EIF2S3B: variants seen among roughly 807,000 people sequenced by gnomAD.
EIF2S3B encodes eukaryotic translation initiation factor 2 subunit gamma B, also known as eukaryotic translation initiation factor 2 subunit 3B.
EIF2S3B carries 16 observed loss-of-function variants against 26.4 expected under a neutral mutation model. That is an observed-to-expected ratio of 0.61 (90% CI 0.41 to 0.92). The LOEUF is 0.92. Among genes scored for constraint, EIF2S3B ranks in the 40% least tolerant of loss-of-function variants. The pLI is 0.00. For missense variants in EIF2S3B, 510 were observed against 575.5 expected (o/e 0.89, Z 1.16); for synonymous variants, 183 against 204.4 (o/e 0.90, Z 0.89).
Position 10,506,887 on chromosome 12 carries a change from C to T in EIF2S3B, c.985C>T (p.Gln329Ter), listed in dbSNP as rs1470093956. ...ACTTTTTGCGGAGCATAATGATCTG[C>T]AATATGCTGCTCCAGGCGGTCTTAT... ...VSLFAEHNDL[Q>*]YAAPGGLIGV... The change falls in exon 1 of 1, where the codon CAA (glutamine) becomes TAA (stop). Residue 329 changes from glutamine (Q) to a stop codon, truncating the protein, a stop_gained. Coordinates refer to ENST00000538173, the MANE Select transcript of EIF2S3B (RefSeq NM_001357734.3). LOFTEE classifies it high-confidence loss of function. The T allele has an allele frequency of 1.4e-5, 23 of 1,613,648 alleles. No homozygotes were observed. The highest frequency in any genetic ancestry group is 1.9e-5 in the Non-Finnish European group (23 of 1,179,586).
chr12:10,508,983 A>T (rs1864678268), downstream of EIF2S3B, among the ~76,000 whole-genome samples: 1 of 152,144 alleles, frequency 6.6e-6, no homozygotes, highest in South Asian at 2.1e-4. Flanking sequence ...TTAATACAAT[A>T]CTTATCTTCT....
intron 1 of EIF2S3B, among the ~76,000 whole-genome samples, chr12:10,517,942 G>A (rs534553302): frequency 7.9e-5 from 12 of 151,882 alleles, no homozygotes; most frequent in African/African-American, 2.4e-4. Context: ...TCTTAATCCT[G>A]AGTTCTAGTT....
At chr12:10,521,822 CTT>C (rs1864835857) in intron 1 of EIF2S3B, among the ~76,000 whole-genome samples, 1 of 152,148 alleles carries the variant, frequency 6.6e-6, no homozygotes, top group Non-Finnish European at 1.5e-5. Context: ...AAGTCATAAT[CTT>C]TTGATATTCA....
At position 10,507,572 on chromosome 12, in the gene EIF2S3B, G is replaced by C. The variant is rs1393225564; in HGVS notation, c.*251G>C. 3.4e-6 allele frequency: 2 copies of C among 583,132 alleles called. No individual in the cohort carries two copies. Among genetic ancestry groups the C allele is most frequent in the Non-Finnish European group, 6.0e-6 (2 of 331,364 alleles). 36.1% of individuals were successfully genotyped at this position (583,132 alleles called of 1,614,324 possible). A position where few individuals can be genotyped will look rare whatever the true frequency, so the allele number is the denominator to read the frequency against. On this transcript the variant is annotated 3_prime_UTR_variant, in exon 1 of 1. Transcript: ENST00000538173. ...CAGAAGTTAAGCATTCCCACATAATGTCAAAATTATACATTATGCAGTTTT... is the reference window on the plus strand; with the variant it reads ...CAGAAGTTAAGCATTCCCACATAATCTCAAAATTATACATTATGCAGTTTT...
At position 10,506,680 on chromosome 12, in the gene EIF2S3B, A is replaced by G. The variant is rs767545599; in HGVS notation, c.778A>G (p.Arg260Gly). Residue 260 changes from arginine to glycine, a missense_variant, in exon 1 of 1, where the codon AGA becomes GGA. Physicochemically the swap from Arg to Gly is moderately radical, Grantham distance 125. Coordinates refer to ENST00000538173, the MANE Select transcript of EIF2S3B (RefSeq NM_001357734.3). The part of the protein sequence containing the change: ...FTSEPRLIVI[R>G]SFDVNKPGCE... ...TTCAGAGCCCCGGCTTATTGTTATT[A>G]GATCTTTTGATGTCAACAAACCTGG... 2.5e-5 allele frequency: 41 copies of G among 1,614,070 alleles called. No homozygotes were observed. In the South Asian group the frequency reaches 4.2e-4, roughly 16 times the overall value.
At chr12:10,509,973 C>T (rs1431617731), downstream of EIF2S3B, among the ~76,000 whole-genome samples, 1 of 152,038 alleles carries the variant, frequency 6.6e-6, no homozygotes, top group Non-Finnish European at 1.5e-5. Context: ...AGTAAGAGAT[C>T]ATCTTCCCTT....
downstream of EIF2S3B, among the ~76,000 whole-genome samples, chr12:10,513,461 CAGAT>C (rs139739259): frequency 4.9e-3 from 742 of 152,250 alleles, 2 homozygotes; most frequent in South Asian, 0.016. Flanking sequence ...TTTTCTGAGA[CAGAT>C]GGATGGGTCC....
chr12:10,511,817 C>G (rs1432465825), downstream of EIF2S3B, among the ~76,000 whole-genome samples: 1 of 152,010 alleles, frequency 6.6e-6, no homozygotes, highest in Non-Finnish European at 1.5e-5. Flanking sequence ...GTTAAGATTC[C>G]TTGAAAGAAA....
chr12:10,522,556 G>C, intron 1 of EIF2S3B: 2 of 637,604 alleles, frequency 3.1e-6, no homozygotes, highest in South Asian at 1.8e-5. Flanking sequence ...AGTTATTGCA[G>C]TTTCCATATT....
Position 10,507,098 on chromosome 12 carries a change from C to A in EIF2S3B, c.1196C>A (p.Ser399Tyr), listed in dbSNP as rs769040164. 78 of 1,613,648 alleles carry A rather than the reference C, an allele frequency of 4.8e-5. No individual in the cohort carries two copies. The highest frequency in any genetic ancestry group is 6.3e-5 in the Non-Finnish European group (74 of 1,179,690). The change falls in exon 1 of 1, where the codon TCT (serine) becomes TAT (tyrosine). Residue 399 changes from serine to tyrosine, a missense_variant. Ser to Tyr is a moderately radical substitution (Grantham distance 144, BLOSUM62 -2). Coordinates refer to ENST00000538173, the MANE Select transcript of EIF2S3B (RefSeq NM_001357734.3). ...AAAGCAGCAAAGGTTCAAAAGCTGTCTAAGAATGAAGTGCTCATGGTGAAC... is the reference window on the plus strand; with the variant it reads ...AAAGCAGCAAAGGTTCAAAAGCTGTATAAGAATGAAGTGCTCATGGTGAAC... The part of the protein sequence containing the change: ...DKKAAKVQKL[S>Y]KNEVLMVNIG...
In EIF2S3B at chr12:10,507,128, G is replaced by A; in HGVS notation, c.1226G>A (p.Gly409Glu). ...AATGAAGTGCTCATGGTGAACATAG[G>A]ATCCCTGTCGACAGGAGGGAGAGTT... ...SKNEVLMVNI[G>E]SLSTGGRVSA... The change falls in exon 1 of 1, where the codon GGA (glycine) becomes GAA (glutamate). Residue 409 changes from glycine (G) to glutamate (E), a missense_variant. By Grantham distance (98) the Gly-to-Glu change is moderately conservative. Transcript: ENST00000538173. 3 of 1,613,824 alleles carry A rather than the reference G, an allele frequency of 1.9e-6. No homozygotes were observed. The highest frequency in any genetic ancestry group is 2.5e-6 in the Non-Finnish European group (3 of 1,179,696).
At chr12:10,522,759 G>A in exon 2 of EIF2S3B, 1 of 641,582 alleles carries the variant, frequency 1.6e-6, no homozygotes, top group Middle Eastern at 2.5e-4. Context: ...CTGCTCTGGA[G>A]ATTCTTTGCA....
At chr12:10,513,937 C>T (rs1333503871) in intron 1 of EIF2S3B, among the ~76,000 whole-genome samples, 1 of 152,120 alleles carries the variant, frequency 6.6e-6, no homozygotes, top group Non-Finnish European at 1.5e-5. Flanking sequence ...ATCACTTGAA[C>T]CTGGGAGGTG....
Position 10,507,475 on chromosome 12 carries a change from T to A in EIF2S3B, c.*154T>A, listed in dbSNP as rs1402963606. Reference sequence around the variant, plus strand: ...GTAAGGTTATTCTCTCTTTTTTTTTTTGGTTATGAAAACTTAGGGACTACA... The same window carrying A: ...GTAAGGTTATTCTCTCTTTTTTTTTATGGTTATGAAAACTTAGGGACTACA... On this transcript the variant is annotated 3_prime_UTR_variant, in exon 1 of 1. Coordinates refer to ENST00000538173, the MANE Select transcript of EIF2S3B (RefSeq NM_001357734.3). The A allele has an allele frequency of 2.2e-6, 2 of 899,922 alleles. No homozygotes were observed. The highest frequency in any genetic ancestry group is 2.6e-5 in the East Asian group (1 of 39,022). The allele number at this position is 899,922 out of a possible 1,614,324, so 55.7% of individuals were successfully genotyped here.
intron 1 of EIF2S3B, among the ~76,000 whole-genome samples, chr12:10,516,204 T>C (rs1864756237): frequency 6.6e-6 from 1 of 152,044 alleles, no homozygotes; most frequent in Non-Finnish European, 1.5e-5. Context: ...CTAACATGTC[T>C]CTAGAACCTT....
downstream of EIF2S3B, among the ~76,000 whole-genome samples, chr12:10,510,600 A>G (rs1332442733): frequency 6.6e-6 from 1 of 152,188 alleles, no homozygotes; most frequent in African/African-American, 2.4e-5. Flanking sequence ...AGAGACATGT[A>G]CACTTTACGT....
chr12:10,519,664 A>G (rs1173808922), intron 1 of EIF2S3B, among the ~76,000 whole-genome samples: 1 of 152,124 alleles, frequency 6.6e-6, no homozygotes, highest in Non-Finnish European at 1.5e-5. Context: ...AATTTACAGG[A>G]AAAAAACGAA....
In EIF2S3B at chr12:10,508,381, C is replaced by T. The variant is rs576443958; in HGVS notation, c.*1060C>T. Among the ~76,000 whole-genome samples the T allele has an allele frequency of 6.6e-6, 1 of 151,870 alleles. No homozygotes were observed. The highest frequency in any genetic ancestry group is 2.1e-4 in the South Asian group (1 of 4,802). Reference sequence around the variant, plus strand: ...CCTCCATTGGAAAATACTGTTATACCAAATAATTCTAGATGAGTAACAAAG... The same window carrying T: ...CCTCCATTGGAAAATACTGTTATACTAAATAATTCTAGATGAGTAACAAAG... On this transcript the variant is annotated 3_prime_UTR_variant, in exon 1 of 1. Transcript: ENST00000538173.
chr12:10,522,474 A>C, intron 1 of EIF2S3B: 1 of 510,842 alleles, frequency 2.0e-6, no homozygotes. Flanking sequence ...ACAAAGCATC[A>C]TTCAATTAAT....
Sources: allele counts gnomAD v4.1 joint callset (sites outside exome capture counted in the v4.1 genomes callset), GRCh38; gene constraint gnomAD v4.1.1; transcripts MANE v1.5; gene names NCBI Gene and HGNC (gene_info 2026-07-23, HGNC 2026-07-21).